The following BPTF variants were observed in gnomAD, a reference collection of about 807,000 sequenced individuals.
The protein encoded by BPTF is bromodomain PHD finger transcription factor.
A neutral mutation model predicts 292.5 loss-of-function variants in BPTF; 18 were observed. The ratio of observed to expected loss-of-function variants is 0.06; its 90% CI spans 0.04 to 0.09. The LOEUF (loss-of-function observed/expected upper bound fraction) is 0.09. Ranked by LOEUF, BPTF falls within the 10% of genes least tolerant of loss-of-function variation. The probability of loss-of-function intolerance (pLI) is 1.00; values close to 1 mark genes in which losing one functional copy is unlikely to be tolerated. For missense variants in BPTF, 2,726 were observed against 3,498.7 expected (o/e 0.78, Z 5.57); for synonymous variants, 1,225 against 1,251.9 (o/e 0.98, Z 0.45).
rs60507268 is a variant in BPTF at position 67,955,277 on chromosome 17, C to CAA, written c.7927-4238_7927-4237dup. 734 of 119,346 alleles carry CAA rather than the reference C, an allele frequency of 6.2e-3. 52 individuals are homozygous for CAA. Among genetic ancestry groups the CAA allele is most frequent in the African/African-American group, 0.023 (643 of 28,492 alleles). 7.4% of individuals were successfully genotyped at this position (119,346 alleles called of 1,614,324 possible). On this transcript the variant is annotated intron_variant, in intron 23 of 27. Coordinates refer to ENST00000306378, the MANE Select transcript of BPTF (RefSeq NM_182641.4). ...TGGGCGACAGAGCCAGACTCTGTCTCAAAAAAAAAAAAAAAAAAAAAAAAA... is the reference window on the plus strand; with the variant it reads ...TGGGCGACAGAGCCAGACTCTGTCTCAAAAAAAAAAAAAAAAAAAAAAAAAAA...
intron 1 of BPTF, among the ~76,000 whole-genome samples, chr17:67,848,736 A>C (rs2058208658): frequency 6.6e-6 from 1 of 152,200 alleles, no homozygotes; most frequent in Non-Finnish European, 1.5e-5. Context: ...GTGTTACAGA[A>C]TACAAAGGAG....
intron 1 of BPTF, among the ~76,000 whole-genome samples, chr17:67,830,942 C>A (rs1452906883): frequency 2.0e-5 from 3 of 152,186 alleles, no homozygotes; most frequent in Non-Finnish European, 4.4e-5. Flanking sequence ...TATCAAATCA[C>A]AGAGATGCTG....
At chr17:67,945,302 C>G in intron 20 of BPTF, 107 bp from the exon 21 acceptor site, 1 of 1,511,234 alleles carries the variant, frequency 6.6e-7, no homozygotes, top group Non-Finnish European at 8.8e-7. Flanking sequence ...TGTGAGCCAC[C>G]ACGCCTGGCC....
At chr17:67,967,582 AG>A (rs1236110186) in intron 26 of BPTF, among the ~76,000 whole-genome samples, 2 of 152,090 alleles carry the variant, frequency 1.3e-5, no homozygotes, top group African/African-American at 4.8e-5. Context: ...GCACTTCCGG[AG>A]GCCAAGGTGG....
chr17:67,882,813 C>G (rs1567972387), intron 4 of BPTF, among the ~76,000 whole-genome samples: 1 of 151,470 alleles, frequency 6.6e-6, no homozygotes, highest in African/African-American at 2.4e-5. Flanking sequence ...TCAAGACCAG[C>G]CTGCCCAACA....
At position 67,838,387 on chromosome 17, in the gene BPTF, A is replaced by G. The variant is rs193110328; in HGVS notation, c.613+12050A>G. 2.2e-3 allele frequency among the ~76,000 whole-genome samples: 337 copies of G among 152,354 alleles called. 4 individuals are homozygous for G. Among genetic ancestry groups the G allele is most frequent in the South Asian group, 0.018 (89 of 4,832 alleles). On this transcript the variant is annotated intron_variant, in intron 1 of 27. Coordinates refer to ENST00000306378, the MANE Select transcript of BPTF (RefSeq NM_182641.4). ...TTTATTTTTGCTTCTTCTCTTTATC[A>G]GGAAAGTAATGTAGAACATTTAGAA...
intron 3 of BPTF, among the ~76,000 whole-genome samples, chr17:67,873,382 T>A (rs1427242411): frequency 6.7e-6 from 1 of 148,388 alleles, no homozygotes; most frequent in African/African-American, 2.5e-5. Flanking sequence ...TGCTTGAACC[T>A]GGGAGGCAGA....
rs573884599 is a variant in BPTF, at chr17:67,962,050, G to A, written c.8262-2162G>A. 7.9e-5 allele frequency among the ~76,000 whole-genome samples: 12 copies of A among 152,326 alleles called. No individual in the cohort carries two copies. In the East Asian group the frequency reaches 2.1e-3, roughly 27 times the overall value. ...CCCAGCTACTCGGGAGGCTGAGGTGGGAGGATCACATGAGCCTGGGAGGTC... is the reference window on the plus strand; with the variant it reads ...CCCAGCTACTCGGGAGGCTGAGGTGAGAGGATCACATGAGCCTGGGAGGTC... On this transcript the variant is annotated intron_variant, in intron 24 of 27. Coordinates refer to ENST00000306378, the MANE Select transcript of BPTF (RefSeq NM_182641.4).
intron 1 of BPTF, among the ~76,000 whole-genome samples, chr17:67,838,663 A>G (rs960975090): frequency 6.6e-6 from 1 of 152,154 alleles, no homozygotes; most frequent in Non-Finnish European, 1.5e-5. Context: ...TTTTTTTAGT[A>G]GAGACGAGGT....
chr17:67,864,301 C>A (rs969845648), intron 2 of BPTF, among the ~76,000 whole-genome samples: 1 of 151,710 alleles, frequency 6.6e-6, no homozygotes, highest in Non-Finnish European at 1.5e-5. Flanking sequence ...TTGAGGCGGG[C>A]GGATTGCTTG....
rs1244163830 is a variant in BPTF at position 67,911,100 on chromosome 17, A to G, written c.3216A>G (p.Thr1072=). Residue 1072 remains threonine, a synonymous_variant, in exon 11 of 28, where the codon ACA becomes ACG. Transcript: ENST00000306378. ...GLLERRIKQF[T]LEEKQRLEKI... is the part of the protein sequence containing the mutation. ...TTGAAAGGAGAATTAAACAGTTTAC[A>G]CTGGAAGAAAAACAGCGACTCGAAA... is the stretch of plus-strand genomic sequence containing the variant. 2.5e-6 allele frequency: 4 copies of G among 1,614,088 alleles called. No individual in the cohort carries two copies. The highest frequency in any genetic ancestry group is 3.3e-5 in the Admixed American group (2 of 60,020).
At chr17:67,904,022 TTTTA>T (rs889007841) in intron 8 of BPTF, 104 bp downstream of exon 8, 666 of 999,448 alleles carry the variant, frequency 6.7e-4, no homozygotes, top group South Asian at 9.8e-4. Flanking sequence ...AGTCTTTGTA[TTTTA>T]TTTATTTATT....
In BPTF at chr17:67,963,319, G is replaced by A. The variant is rs1474037342; in HGVS notation, c.8262-893G>A. 7 of 1,513,086 alleles carry A rather than the reference G, an allele frequency of 4.6e-6. No individual in the cohort carries two copies. In the African/African-American group the frequency reaches 6.9e-5, roughly 15 times the overall value. 93.7% of individuals were successfully genotyped at this position (1,513,086 alleles called of 1,614,324 possible). A position where few individuals can be genotyped will look rare whatever the true frequency, so the allele number is the denominator to read the frequency against. On this transcript the variant is annotated intron_variant, in intron 24 of 27. Transcript: ENST00000306378. Reference sequence around the variant, plus strand: ...TGACAATTACATTGTCATTTTCATTGTGAATACTTTTAGGTTCTATATTGG... The same window carrying A: ...TGACAATTACATTGTCATTTTCATTATGAATACTTTTAGGTTCTATATTGG...
intron 7 of BPTF, among the ~76,000 whole-genome samples, chr17:67,903,189 A>G (rs1001288346): frequency 6.6e-6 from 1 of 152,236 alleles, no homozygotes; most frequent in African/African-American, 2.4e-5. Flanking sequence ...CTGTTAGTAG[A>G]TCTGTGAGTG....
intron 13 of BPTF, among the ~76,000 whole-genome samples, chr17:67,921,017 G>A (rs2147193775): frequency 6.6e-6 from 1 of 151,794 alleles, no homozygotes; most frequent in Middle Eastern, 3.4e-3. Context: ...GCCCAGCCTA[G>A]ACAATGTAGT....
intron 5 of BPTF, among the ~76,000 whole-genome samples, chr17:67,893,064 A>T (rs2061228815): frequency 6.6e-6 from 1 of 152,154 alleles, no homozygotes. Flanking sequence ...TAGGTGAGTA[A>T]TTTATATGTA....
chr17:67,946,478 T>A (rs967037435), intron 21 of BPTF, among the ~76,000 whole-genome samples, 153 bp downstream of exon 21: 3 of 152,220 alleles, frequency 2.0e-5, no homozygotes, highest in Non-Finnish European at 2.9e-5. Context: ...AAAAAAATAC[T>A]GAATGACTAC....
chr17:67,900,717 A>T (rs1305585804), intron 7 of BPTF, among the ~76,000 whole-genome samples: 2 of 152,160 alleles, frequency 1.3e-5, no homozygotes, highest in Non-Finnish European at 2.9e-5. Context: ...AGAAAAGTTA[A>T]TGTGCAAGAA....
At chr17:67,977,471 C>A (rs1346571554) in intron 27 of BPTF, among the ~76,000 whole-genome samples, 1 of 151,630 alleles carries the variant, frequency 6.6e-6, no homozygotes, top group African/African-American at 2.4e-5. Context: ...GCTGAGATTG[C>A]GCCACTGCAT....
Sources: gnomAD v4.1 joint callset for allele counts (sites outside exome capture counted in the v4.1 genomes callset) on GRCh38, gnomAD v4.1.1 for gene constraint, MANE v1.5 for transcripts, NCBI Gene and HGNC (gene_info 2026-07-23, HGNC 2026-07-21) for gene names.